The following RBFOX1 variants were observed in gnomAD, a reference collection of about 807,000 sequenced individuals.
RBFOX1 encodes RNA binding fox-1 homolog 1, also known as RNA binding protein fox-1 homolog 1.
Under a neutral mutation model 57.7 loss-of-function variants are expected in RBFOX1, and 8 were observed. That is an observed-to-expected ratio of 0.14 (90% CI 0.08 to 0.25). The LOEUF is 0.25. Ranked by LOEUF, RBFOX1 falls within the 10% of genes least tolerant of loss-of-function variation. The pLI, the probability that RBFOX1 is intolerant of heterozygous loss-of-function variation, is 1.00. For synonymous variants in RBFOX1, 326 were observed against 222.4 expected, an observed-to-expected ratio of 1.47 and a Z score of -4.15; for missense variants, 611 against 548.5, an observed-to-expected ratio of 1.11 and a Z score of -1.14.
At chr16:6,387,126 T>C (rs1477831352) in intron 2 of RBFOX1, among the ~76,000 whole-genome samples, 4 of 152,196 alleles carry the variant, frequency 2.6e-5, no homozygotes, top group African/African-American at 9.6e-5. Context: ...GAACTTCAAA[T>C]CCATGCCTTT....
rs1408226799 is a variant in RBFOX1, at chr16:6,623,402, C to A, written c.-63-31201C>A. Among the ~76,000 whole-genome samples the A allele has an allele frequency of 2.6e-5, 4 of 151,790 alleles. No homozygotes were observed. In the East Asian group the frequency reaches 7.8e-4, roughly 29 times the overall value. On this transcript the variant is annotated intron_variant, in intron 2 of 15. Coordinates refer to ENST00000550418, the MANE Select transcript of RBFOX1 (RefSeq NM_018723.4). The stretch of plus-strand genomic sequence containing the variant: ...TTCTGATTGTCACTTTCATGCAACC[C>A]CTGGTACTGAGTCCATGCTGCATAT...
chr16:5,840,446 GAA>G (rs2151845216), intron 3 of RBFOX1, among the ~76,000 whole-genome samples: 1 of 152,324 alleles, frequency 6.6e-6, no homozygotes, highest in Non-Finnish European at 1.5e-5. Flanking sequence ...CTGCGGGGTA[GAA>G]AGTCATTTTG....
At chr16:7,497,468 T>C (rs148018293) in intron 4 of RBFOX1, among the ~76,000 whole-genome samples, 2 of 152,326 alleles carry the variant, frequency 1.3e-5, no homozygotes, top group Non-Finnish European at 2.9e-5. Context: ...TTTATACTTA[T>C]AAAATCCATG....
At chr16:6,863,130 A>G (rs1208251433) in intron 3 of RBFOX1, among the ~76,000 whole-genome samples, 2 of 152,146 alleles carry the variant, frequency 1.3e-5, no homozygotes, top group African/African-American at 2.4e-5. Flanking sequence ...GTGGATGAAG[A>G]GAAATTAATA....
chr16:6,139,825 G>A (rs1030884382), intron 1 of RBFOX1, among the ~76,000 whole-genome samples: 10 of 152,114 alleles, frequency 6.6e-5, no homozygotes, highest in South Asian at 2.1e-4. Flanking sequence ...CAAATGCCAT[G>A]TCAGTGATTC....
intron 1 of RBFOX1, among the ~76,000 whole-genome samples, chr16:5,398,090 A>T (rs2066611818): frequency 6.6e-6 from 1 of 152,192 alleles, no homozygotes; most frequent in African/African-American, 2.4e-5. Flanking sequence ...TATAACTGAG[A>T]TTCAACCTAG....
intron 2 of RBFOX1, among the ~76,000 whole-genome samples, chr16:6,505,219 G>T (rs2096059124): frequency 6.6e-6 from 1 of 152,130 alleles, no homozygotes; most frequent in Non-Finnish European, 1.5e-5. Flanking sequence ...TTGATTGTCA[G>T]TCACTTTTAT....
intron 2 of RBFOX1, among the ~76,000 whole-genome samples, chr16:6,541,659 T>A (rs1054802547): frequency 2.0e-5 from 3 of 152,158 alleles, no homozygotes; most frequent in Non-Finnish European, 4.4e-5. Flanking sequence ...GAAATTTAAT[T>A]GTAGGAAGAG....
At chr16:7,020,946 G>C (rs573072382) in intron 3 of RBFOX1, among the ~76,000 whole-genome samples, 1 of 152,242 alleles carries the variant, frequency 6.6e-6, no homozygotes, top group Admixed American at 6.5e-5. Context: ...GGCCAACATG[G>C]TGAAATCCTG....
chr16:7,507,809 C>T (rs1344989007), intron 4 of RBFOX1, among the ~76,000 whole-genome samples: 2 of 151,970 alleles, frequency 1.3e-5, no homozygotes, highest in African/African-American at 4.8e-5. Context: ...GTGATCCGCC[C>T]GCCTCGGTCT....
At chr16:6,962,129 C>T (rs2083149791) in intron 3 of RBFOX1, among the ~76,000 whole-genome samples, 4 of 152,164 alleles carry the variant, frequency 2.6e-5, no homozygotes, top group Admixed American at 2.0e-4. Context: ...CATATTTCCT[C>T]TGAAGTCTTG....
intron 2 of RBFOX1, among the ~76,000 whole-genome samples, chr16:5,569,299 A>G (rs1018333425): frequency 2.6e-5 from 4 of 152,202 alleles, no homozygotes; most frequent in African/African-American, 9.6e-5. Context: ...GAAAAAAGAC[A>G]AATTTGAAGC....
rs1567693438 is a variant in RBFOX1 at position 6,562,856 on chromosome 16, C to CTTTTTTTTTTTTTTTTT, written c.-63-91744_-63-91743insTTTTTTTTTTTTTTTTT. On this transcript the variant is annotated intron_variant, in intron 2 of 15. Transcript: ENST00000550418. Reference sequence around the variant, plus strand: ...CTTTTCTTTCTTTCTTTCTTTCTTTCTTTCTTTCTTTCTTTCTTTCTTTCT... The same window carrying CTTTTTTTTTTTTTTTTT: ...CTTTTCTTTCTTTCTTTCTTTCTTTCTTTTTTTTTTTTTTTTTTTTCTTTCTTTCTTTCTTTCTTTCT... 4.0e-5 allele frequency among the ~76,000 whole-genome samples: 2 copies of CTTTTTTTTTTTTTTTTT among 50,316 alleles called. 1 individual carries two copies. The highest frequency in any genetic ancestry group is 2.1e-4 in the African/African-American group (2 of 9,380). 33.0% of individuals were successfully genotyped at this position (50,316 alleles called of 152,430 possible). A position where few individuals can be genotyped will look rare whatever the true frequency, so the allele number is the denominator to read the frequency against.
intron 4 of RBFOX1, among the ~76,000 whole-genome samples, chr16:7,173,286 A>G (rs540193682): frequency 2.0e-5 from 3 of 152,344 alleles, no homozygotes; most frequent in African/African-American, 7.2e-5. Flanking sequence ...TCCAACGTGC[A>G]TTTAGAAACC....
At chr16:6,940,810 GTAGC>G (rs1567987084) in intron 3 of RBFOX1, among the ~76,000 whole-genome samples, 32 of 133,888 alleles carry the variant, frequency 2.4e-4, no homozygotes, top group Non-Finnish European at 4.0e-4. Flanking sequence ...GTGTGTGTGT[GTAGC>G]TGGGAGTACA....
At chr16:5,647,061 T>G (rs1251655800) in intron 3 of RBFOX1, among the ~76,000 whole-genome samples, 2 of 152,208 alleles carry the variant, frequency 1.3e-5, no homozygotes, top group Admixed American at 6.5e-5. Context: ...GACCCTGTTC[T>G]TTCCTTCTAA....
chr16:5,552,408 T>C (rs2045500615), intron 2 of RBFOX1, among the ~76,000 whole-genome samples: 1 of 152,164 alleles, frequency 6.6e-6, no homozygotes, highest in South Asian at 2.1e-4. Context: ...TCCCAAAGGT[T>C]TCTGTATTAA....
In RBFOX1 at chr16:5,949,450, C is replaced by T. The variant is rs149193135; in HGVS notation, c.351+82115C>T. ...CTGAGGCAGGAGAATGACGTGAACC[C>T]GGGAGGCAGAGCTTGCAGTGAGTCG... On this transcript the variant is annotated intron_variant, in intron 4 of 19. Transcript: ENST00000641259. 8.4e-3 allele frequency among the ~76,000 whole-genome samples: 1,179 copies of T among 140,576 alleles called. 12 individuals are homozygous for T. Among genetic ancestry groups the T allele is most frequent in the African/African-American group, 0.03 (1,118 of 37,266 alleles). The allele number at this position is 140,576 out of a possible 152,430, so 92.2% of individuals were successfully genotyped here.
intron 3 of RBFOX1, among the ~76,000 whole-genome samples, chr16:6,924,281 C>T (rs542698748): frequency 1.5e-3 from 223 of 152,226 alleles, no homozygotes; most frequent in Non-Finnish European, 2.6e-3. Context: ...GTTATGGCTC[C>T]AGCATCTGCT....
Sources: gnomAD v4.1 joint callset for allele counts (sites outside exome capture counted in the v4.1 genomes callset) on GRCh38, gnomAD v4.1.1 for gene constraint, MANE v1.5 for transcripts, NCBI Gene and HGNC (gene_info 2026-07-23, HGNC 2026-07-21) for gene names.